CAMTA1: variants seen among roughly 807,000 people sequenced by gnomAD.
The protein encoded by CAMTA1 is calmodulin binding transcription activator 1.
CAMTA1 carries 27 observed loss-of-function variants against 170.9 expected under a neutral mutation model. The ratio of observed to expected loss-of-function variants is 0.16; its 90% confidence interval spans 0.12 to 0.22. The LOEUF (loss-of-function observed/expected upper bound fraction) is 0.22, where lower values mean the gene tolerates loss of function less well. CAMTA1 is among the 10% of genes least tolerant of loss of function. The pLI is 1.00. For synonymous variants in CAMTA1, 833 were observed against 891.5 expected, an observed-to-expected ratio of 0.93 and a Z score of 1.17; for missense variants, 1,619 against 2,217.2, an observed-to-expected ratio of 0.73 and a Z score of 5.42.
chr1:6,954,315 G>A (rs1689062492), intron 3 of CAMTA1, among the ~76,000 whole-genome samples: 1 of 152,206 alleles, frequency 6.6e-6, no homozygotes, highest in South Asian at 2.1e-4. Flanking sequence ...CAGCTGTTGT[G>A]GGGTTGAAGG....
In CAMTA1 at chr1:7,014,950, C is replaced by T. The variant is rs962535278; in HGVS notation, c.235-76354C>T. ...TTCACATTCCCTGACTCAAAAACCA[C>T]AAGCTAAATGATCTGTACATTGTCC... On this transcript the variant is annotated intron_variant, in intron 3 of 22. Coordinates refer to ENST00000303635, the MANE Select transcript of CAMTA1 (RefSeq NM_015215.4). This position sits in a 1 kb window ranked among gnomAD's most constrained non-coding sequence, Gnocchi z 4.2. 1.3e-5 allele frequency among the ~76,000 whole-genome samples: 2 copies of T among 152,156 alleles called. No individual in the cohort carries two copies. Among genetic ancestry groups the T allele is most frequent in the Non-Finnish European group, 2.9e-5 (2 of 68,024 alleles).
At chr1:7,263,048 A>G (rs113393817) in intron 5 of CAMTA1, among the ~76,000 whole-genome samples, 2 of 152,332 alleles carry the variant, frequency 1.3e-5, no homozygotes, top group African/African-American at 4.8e-5. Context: ...ACATGATATG[A>G]AATGTTTGGA....
intron 4 of CAMTA1, among the ~76,000 whole-genome samples, chr1:7,101,291 T>A (rs1465371225): frequency 6.6e-6 from 1 of 152,170 alleles, no homozygotes; most frequent in Non-Finnish European, 1.5e-5. Flanking sequence ...AAATTGTTAC[T>A]CGCTGCCCAT....
At position 7,249,684 on chromosome 1, in the gene CAMTA1, G is replaced by T; in HGVS notation, c.438+58G>T. On this transcript the variant is annotated intron_variant, in intron 5 of 22. Transcript: ENST00000303635. This position sits in a 1 kb window ranked among gnomAD's most constrained non-coding sequence, Gnocchi z 4.4. ...AATGTCATTTGCAGGCTGCAGTGGAGAATGGAATTGCTTGGAGTAATTTGA... is the reference window on the plus strand; with the variant it reads ...AATGTCATTTGCAGGCTGCAGTGGATAATGGAATTGCTTGGAGTAATTTGA... 2 of 1,582,806 alleles carry T rather than the reference G, an allele frequency of 1.3e-6. No homozygotes were observed. Among genetic ancestry groups the T allele is most frequent in the Non-Finnish European group, 1.7e-6 (2 of 1,161,478 alleles).
chr1:7,568,922 A>G (rs1483673947), intron 6 of CAMTA1, among the ~76,000 whole-genome samples: 1 of 151,548 alleles, frequency 6.6e-6, no homozygotes, highest in African/African-American at 2.4e-5. Flanking sequence ...CAACATCACC[A>G]TCATCATCAT....
In CAMTA1 at chr1:6,965,274, C is replaced by T. The variant is rs941047810; in HGVS notation, c.235-126030C>T. Among the ~76,000 whole-genome samples the T allele has an allele frequency of 6.6e-6, 1 of 151,580 alleles. No homozygotes were observed. Among genetic ancestry groups the T allele is most frequent in the African/African-American group, 2.4e-5 (1 of 41,228 alleles). ...GTGGGCACGTGCTCCTGGGGGCATG[C>T]ACATGTTTAAGTGTGTGCTTGTGTC... On this transcript the variant is annotated intron_variant, in intron 3 of 22. Transcript: ENST00000303635. This position sits in a 1 kb window ranked among gnomAD's most constrained non-coding sequence, Gnocchi z 4.1.
chr1:7,376,065 T>TA (rs2086821856), intron 5 of CAMTA1, among the ~76,000 whole-genome samples: 1 of 152,218 alleles, frequency 6.6e-6, no homozygotes, highest in Non-Finnish European at 1.5e-5. Context: ...AAAACACTAA[T>TA]AGGGAGGCCA....
At chr1:6,794,538 C>A (rs955015848) in intron 1 of CAMTA1, among the ~76,000 whole-genome samples, 1 of 152,046 alleles carries the variant, frequency 6.6e-6, no homozygotes, top group African/African-American at 2.4e-5. Context: ...CTACTTTAAG[C>A]CATATGAATG....
intron 6 of CAMTA1, among the ~76,000 whole-genome samples, chr1:7,582,678 G>A (rs141324458): frequency 6.6e-6 from 1 of 152,048 alleles, no homozygotes; most frequent in African/African-American, 2.4e-5. Flanking sequence ...CTACAAAGGA[G>A]AGAGGCACAG....
rs558874242 is a variant in CAMTA1 at position 7,633,990 on chromosome 1, C to T, written c.511-6410C>T. 7.2e-5 allele frequency among the ~76,000 whole-genome samples: 11 copies of T among 152,264 alleles called. No individual in the cohort carries two copies. The highest frequency in any genetic ancestry group is 2.2e-4 in the African/African-American group (9 of 41,562). The stretch of plus-strand genomic sequence containing the variant: ...GCGGCAGATCTGGGGAATGGGGTGG[C>T]GGGAGCCAGGTGCATGAGGCAGGCA... On this transcript the variant is annotated intron_variant, in intron 6 of 22. Coordinates refer to ENST00000303635, the MANE Select transcript of CAMTA1 (RefSeq NM_015215.4). The surrounding 1 kb of genome is among the most constrained non-coding windows in gnomAD (Gnocchi z 4.1).
intron 3 of CAMTA1, among the ~76,000 whole-genome samples, chr1:6,922,449 C>G (rs991498191): frequency 6.6e-5 from 10 of 152,284 alleles, no homozygotes; most frequent in Non-Finnish European, 1.5e-4. Context: ...AGTGGCTGGG[C>G]TGTCATCTTA....
intron 4 of CAMTA1, among the ~76,000 whole-genome samples, chr1:7,142,545 T>A (rs1340664262): frequency 6.6e-6 from 1 of 152,212 alleles, no homozygotes; most frequent in Non-Finnish European, 1.5e-5. Context: ...GAGATGTTTG[T>A]GTCACGGGGT....
chr1:7,394,592 G>A, intron 5 of CAMTA1, among the ~76,000 whole-genome samples: 1 of 152,038 alleles, frequency 6.6e-6, no homozygotes, highest in Non-Finnish European at 1.5e-5. Flanking sequence ...TGGATATTAA[G>A]CCCTTGTCAG....
At chr1:6,807,283 A>G (rs1004051252) in intron 1 of CAMTA1, among the ~76,000 whole-genome samples, 1 of 152,202 alleles carries the variant, frequency 6.6e-6, no homozygotes, top group Non-Finnish European at 1.5e-5. Context: ...GGGAAAGAGT[A>G]TCTGAATACT....
At chr1:7,659,130 G>C (rs1235691659) in intron 7 of CAMTA1, among the ~76,000 whole-genome samples, 2 of 152,228 alleles carry the variant, frequency 1.3e-5, no homozygotes, top group African/African-American at 4.8e-5. Context: ...AGAGGGGAAG[G>C]AAAGGGAGCG....
chr1:7,256,001 G>A (rs545345704), intron 5 of CAMTA1, among the ~76,000 whole-genome samples: 162 of 152,264 alleles, frequency 1.1e-3, no homozygotes, highest in African/African-American at 3.8e-3. Flanking sequence ...CTGTTCAGGG[G>A]CACCTCAGGG....
intron 11 of CAMTA1, among the ~76,000 whole-genome samples, chr1:7,704,559 A>G (rs1377123931): frequency 1.3e-5 from 2 of 148,248 alleles, no homozygotes; most frequent in Non-Finnish European, 3.0e-5. Context: ...GTTCCGGCGC[A>G]GTCCCCGCGC....
chr1:7,535,657 G>A (rs948541243), intron 6 of CAMTA1, among the ~76,000 whole-genome samples: 1 of 152,178 alleles, frequency 6.6e-6, no homozygotes, highest in African/African-American at 2.4e-5. Context: ...TGCAAACACA[G>A]GAGACTTGGC....
At chr1:7,046,679 T>C (rs897994330) in intron 3 of CAMTA1, among the ~76,000 whole-genome samples, 8 of 152,184 alleles carry the variant, frequency 5.3e-5, no homozygotes, top group African/African-American at 1.9e-4. Context: ...CTAACTCCAC[T>C]TAGGAATGTG....
Sources: gnomAD v4.1 joint callset for allele counts (sites outside exome capture counted in the v4.1 genomes callset) on GRCh38, gnomAD v4.1.1 for gene constraint, Gnocchi (gnomAD v3.1) non-coding constraint, MANE v1.5 for transcripts, NCBI Gene and HGNC (gene_info 2026-07-23, HGNC 2026-07-21) for gene names.